The following DENND4A variants were observed in gnomAD, a reference collection of about 807,000 sequenced individuals.
The protein encoded by DENND4A is DENN domain containing 4A.
In DENND4A, 70 loss-of-function variants were observed where a neutral mutation model predicts 199.3. The ratio of observed to expected loss-of-function variants is 0.35; its 90% CI spans 0.29 to 0.43. The LOEUF (loss-of-function observed/expected upper bound fraction) is 0.43. Ranked by LOEUF, DENND4A falls within the 20% of genes least tolerant of loss-of-function variation. DENND4A has a pLI of 1.00. For missense variants in DENND4A, 1,723 were observed against 2,255.8 expected (o/e 0.76, Z 4.78); for synonymous variants, 686 against 766.9 (o/e 0.89, Z 1.74).
In DENND4A at chr15:65,661,856, G is replaced by T; in HGVS notation, c.5719C>A (p.Leu1907Ile). Residue 1907 changes from leucine (L) to isoleucine (I), a missense_variant, in exon 33 of 33, where the codon CTT becomes ATT. Coordinates refer to ENST00000443035, the MANE Select transcript of DENND4A (RefSeq NM_001320835.1). Reference sequence around the variant, plus strand: ...TTTACACATACAAATACATCTTAAAGATAAGGTTCTCCAAAGGTTTTTCGA... The same window carrying T: ...TTTACACATACAAATACATCTTAAATATAAGGTTCTCCAAAGGTTTTTCGA... The part of the protein sequence containing the change: ...ECRKTFGEPY[L>I] The T allele has an allele frequency of 6.2e-7, 1 of 1,605,978 alleles. No homozygotes were observed. Among genetic ancestry groups the T allele is most frequent in the Non-Finnish European group, 8.5e-7 (1 of 1,175,628 alleles).
intron 14 of DENND4A, among the ~76,000 whole-genome samples, chr15:65,706,493 CACATATAT>C (rs1250302066): frequency 3.9e-5 from 4 of 102,412 alleles, no homozygotes; most frequent in Non-Finnish European, 8.3e-5. Flanking sequence ...CACACACACA[CACATATAT>C]ATATATATTT....
At chr15:65,789,584 A>C (rs2077660595) in intron 1 of DENND4A, among the ~76,000 whole-genome samples, 1 of 152,102 alleles carries the variant, frequency 6.6e-6, no homozygotes, top group African/African-American at 2.4e-5. Flanking sequence ...AGGAAAAAGG[A>C]AAAATCCCAC....
At chr15:65,756,109 A>AT in intron 3 of DENND4A, 31 bp downstream of exon 3, 1 of 1,536,176 alleles carries the variant, frequency 6.5e-7, no homozygotes, top group Non-Finnish European at 8.8e-7. Flanking sequence ...ATTTGGATCA[A>AT]TAACAGTAAG....
chr15:65,702,220 G>A lies in DENND4A; in HGVS notation c.2430+85C>T, dbSNP rs540333476. The A allele has an allele frequency of 8.1e-6, 9 of 1,105,524 alleles. No individual in the cohort carries two copies. In the African/African-American group the frequency reaches 1.4e-4, roughly 17 times the overall value. 68.5% of individuals were successfully genotyped at this position (1,105,524 alleles called of 1,614,324 possible). ...AGAGGTTAAGACTGCAGTGAGCCAT[G>A]ACTGCATCACTGCACTCCAGCCTGG... is the stretch of plus-strand genomic sequence containing the variant. On this transcript the variant is annotated intron_variant, in intron 17 of 32. Transcript: ENST00000443035.
chr15:65,697,314 T>G lies in DENND4A; in HGVS notation c.2903A>C (p.Glu968Ala). The change falls in exon 21 of 33, where the codon GAA becomes GCA. Residue 968 changes from glutamate (E) to alanine (A), a missense_variant. Physicochemically the swap from Glu to Ala is moderately radical, Grantham distance 107. This residue lies in a region of DENND4A where 650 missense variants were observed against 738.1 expected (regional missense o/e 0.88). Coordinates refer to ENST00000443035, the MANE Select transcript of DENND4A (RefSeq NM_001320835.1). ...DEVRRGDTST[E>A]DIQEEKDKKG... ...TTTATCTTTTTCTTCTTGAATGTCT[T>G]CAGTAGATGTATCCCCTCTTCTAAC... The G allele has an allele frequency of 6.2e-7, 1 of 1,608,394 alleles. No individual in the cohort carries two copies. Among genetic ancestry groups the G allele is most frequent in the Non-Finnish European group, 8.5e-7 (1 of 1,176,582 alleles).
rs189312090 is a variant in DENND4A, at chr15:65,771,182, T to C, written c.-101-9744A>G. ...AATAAAAATTCCAGTTCATCCTCCTTTATAAAGACCGGTAAGCCGCTCTAA... is the reference window on the plus strand; with the variant it reads ...AATAAAAATTCCAGTTCATCCTCCTCTATAAAGACCGGTAAGCCGCTCTAA... On this transcript the variant is annotated intron_variant, in intron 1 of 32. Transcript: ENST00000443035. 186 of 1,594,262 alleles carry C rather than the reference T, an allele frequency of 1.2e-4. 1 individual carries two copies. In the Admixed American group the frequency reaches 3.3e-3, roughly 29 times the overall value.
At chr15:65,736,269 T>C (rs1455449999) in intron 7 of DENND4A, among the ~76,000 whole-genome samples, 1 of 152,042 alleles carries the variant, frequency 6.6e-6, no homozygotes, top group Non-Finnish European at 1.5e-5. Flanking sequence ...TTATTTTTTA[T>C]TTTTTTGGAG....
chr15:65,685,368 C>T (rs530716293), intron 23 of DENND4A, among the ~76,000 whole-genome samples: 4 of 152,260 alleles, frequency 2.6e-5, no homozygotes, highest in Admixed American at 1.3e-4. Context: ...CCTCGTGATT[C>T]GCCTGCCTTG....
In DENND4A at chr15:65,685,951, G is replaced by C. The variant is rs575396962; in HGVS notation, c.4179+4464C>G. Among the ~76,000 whole-genome samples, 15 of 152,294 alleles carry C rather than the reference G, an allele frequency of 9.8e-5. No individual in the cohort carries two copies. In the South Asian group the frequency reaches 2.7e-3, roughly 27 times the overall value. Reference sequence around the variant, plus strand: ...TAGCTTTGTAGTAAATTTTGAAATTGGGAAGTGTGAGTCCTCCAACTTTTT... The same window carrying C: ...TAGCTTTGTAGTAAATTTTGAAATTCGGAAGTGTGAGTCCTCCAACTTTTT... On this transcript the variant is annotated intron_variant, in intron 23 of 32. Coordinates refer to ENST00000443035, the MANE Select transcript of DENND4A (RefSeq NM_001320835.1).
chr15:65,784,854 A>T lies in DENND4A; in HGVS notation c.-102+7156T>A, dbSNP rs1012226130. Among the ~76,000 whole-genome samples the T allele has an allele frequency of 2.6e-5, 4 of 152,098 alleles. No homozygotes were observed. In the South Asian group the frequency reaches 6.2e-4, roughly 24 times the overall value. ...CTGTGGTACTAATTATATTAATAAA[A>T]ATTCCACCTGGGCCGGGCAATGGTG... On this transcript the variant is annotated intron_variant, in intron 1 of 32. Coordinates refer to ENST00000443035, the MANE Select transcript of DENND4A (RefSeq NM_001320835.1).
rs1596508782 is a variant in DENND4A, at chr15:65,716,884, T to A, written c.1807+894A>T. On this transcript the variant is annotated intron_variant, in intron 13 of 32. Coordinates refer to ENST00000443035, the MANE Select transcript of DENND4A (RefSeq NM_001320835.1). ...CCAACAGTGTAAAAGTGTTCCTATT[T>A]CTCCACATCCTCTCCAGCACCTGTT... is the stretch of plus-strand genomic sequence containing the variant. Among the ~76,000 whole-genome samples, 4 of 152,184 alleles carry A rather than the reference T, an allele frequency of 2.6e-5. No homozygotes were observed. In the East Asian group the frequency reaches 7.7e-4, roughly 29 times the overall value.
At chr15:65,722,434 T>A (rs2075676078) in intron 12 of DENND4A, among the ~76,000 whole-genome samples, 1 of 151,780 alleles carries the variant, frequency 6.6e-6, no homozygotes, top group Non-Finnish European at 1.5e-5. Context: ...TGCCACACAC[T>A]ATAACCTGGG....
At chr15:65,723,201 T>C (rs1441362395) in intron 11 of DENND4A, among the ~76,000 whole-genome samples, 3 of 152,158 alleles carry the variant, frequency 2.0e-5, no homozygotes, top group African/African-American at 7.2e-5. Context: ...CTGAGTAAAT[T>C]CCAGTTGCTT....
chr15:65,681,810 C>T lies in DENND4A; in HGVS notation c.4180-5176G>A, dbSNP rs187482251. Among the ~76,000 whole-genome samples, 207 of 152,278 alleles carry T rather than the reference C, an allele frequency of 1.4e-3. 1 individual carries two copies. Among genetic ancestry groups the T allele is most frequent in the African/African-American group, 4.6e-3 (192 of 41,564 alleles). On this transcript the variant is annotated intron_variant, in intron 23 of 32. Transcript: ENST00000443035. ...CTCAAATTTCTGAGCTCAAGGGATC[C>T]GCCTGCCTCAGCCTTCCAAAGCGTT...
chr15:65,702,209 C>A (rs1311346289), intron 17 of DENND4A, 96 bp downstream of exon 17: 1 of 1,014,080 alleles, frequency 9.9e-7, no homozygotes, highest in Non-Finnish European at 1.5e-6. Flanking sequence ...GTTAAGACTG[C>A]AGTGAGCCAT....
At chr15:65,668,187 G>T in intron 27 of DENND4A, 64 bp from the exon 28 acceptor site, 18 of 1,175,540 alleles carry the variant, frequency 1.5e-5, no homozygotes, top group Non-Finnish European at 2.1e-5. Flanking sequence ...CATCAACAAG[G>T]ATCATGTTCT....
rs944317084 is a variant in DENND4A at position 65,690,408 on chromosome 15, A to G, written c.4179+7T>C. ...CAGTAAAAGTAGCAAATACTAACCA[A>G]ACTTACCTTAGATGATGTGGTGTAC... On this transcript the variant is annotated splice_region_variant and intron_variant, in intron 23 of 32. Transcript: ENST00000443035. The G allele has an allele frequency of 1.9e-6, 3 of 1,549,262 alleles. No individual in the cohort carries two copies. Among genetic ancestry groups the G allele is most frequent in the African/African-American group, 2.7e-5 (2 of 73,062 alleles).
chr15:65,690,877 A>C lies in DENND4A; in HGVS notation c.3717T>G (p.Ile1239Met), dbSNP rs1239667171. 1.9e-6 allele frequency: 3 copies of C among 1,611,394 alleles called. No individual in the cohort carries two copies. In the South Asian group the frequency reaches 3.3e-5, roughly 18 times the overall value. The change falls in exon 23 of 33, where the codon ATT (isoleucine) becomes ATG (methionine). Residue 1239 changes from isoleucine to methionine, a missense_variant. This residue lies in a region of DENND4A where 650 missense variants were observed against 738.1 expected (regional missense o/e 0.88). Coordinates refer to ENST00000443035, the MANE Select transcript of DENND4A (RefSeq NM_001320835.1). ...AATCACGCCTAGCAGATGGTGTTGA[A>C]ATGCTTTTGCTATCATCTTCATCCT... The part of the protein sequence containing the change: ...EEEDEDDSKS[I>M]STPSARRDLA...
chr15:65,733,712 T>C (rs2076026981), intron 7 of DENND4A, among the ~76,000 whole-genome samples: 1 of 152,160 alleles, frequency 6.6e-6, no homozygotes, highest in Admixed American at 6.5e-5. Context: ...GAAGTAGACA[T>C]AGGAGACTCC....
Sources: gnomAD v4.1 joint callset for allele counts (sites outside exome capture counted in the v4.1 genomes callset) on GRCh38, gnomAD v4.1.1 for gene constraint, gnomAD v4.1.1 regional missense constraint, MANE v1.5 for transcripts, NCBI Gene and HGNC (gene_info 2026-07-23, HGNC 2026-07-21) for gene names.